Variants in LMAN1L observed in about 807,000 individuals in gnomAD.
LMAN1L encodes the protein lectin, mannose binding 1 like.
In LMAN1L, 60 loss-of-function variants were observed where a neutral mutation model predicts 58.3. That is an observed-to-expected ratio of 1.03 (90% CI 0.84 to 1.27). The LOEUF (loss-of-function observed/expected upper bound fraction) is 1.27, where lower values mean the gene tolerates loss of function less well. LMAN1L is among the 50% of genes most tolerant of loss of function. LMAN1L has a pLI of 0.00. For missense variants in LMAN1L, 629 were observed against 674.0 expected, an observed-to-expected ratio of 0.93 and a Z score of 0.74; for synonymous variants, 280 against 271.6, an observed-to-expected ratio of 1.03 and a Z score of -0.31.
intron 1 of LMAN1L, 129 bp downstream of exon 1, chr15:74,813,158 C>T: frequency 1.0e-6 from 1 of 958,310 alleles, no homozygotes; most frequent in Non-Finnish European, 1.6e-6. Flanking sequence ...TGGGACAGTG[C>T]CAGGCACCCC....
In LMAN1L at chr15:74,812,917, C is replaced by T. The variant is rs188890163; in HGVS notation, c.63C>T (p.His21=). Reference sequence around the variant, plus strand: ...TTCTCCTCCTGCTCCTGGACCCCCACAGCCCTGAGACGGGGTGTCCTCCTC... The same window carrying T: ...TTCTCCTCCTGCTCCTGGACCCCCATAGCCCTGAGACGGGGTGTCCTCCTC... The part of the protein sequence containing the change: ...FCLLLLLLDP[H]SPETGCPPLR... Residue 21 remains histidine (H), a synonymous_variant, in exon 1 of 14, where the codon CAC becomes CAT. Transcript: ENST00000309664. 6.8e-6 allele frequency: 11 copies of T among 1,614,038 alleles called. No individual in the cohort carries two copies. The highest frequency in any genetic ancestry group is 5.3e-5 in the African/African-American group (4 of 75,066).
chr15:74,823,273 GAGA>G (rs540839404), intron 11 of LMAN1L, among the ~76,000 whole-genome samples: 102 of 152,280 alleles, frequency 6.7e-4, no homozygotes, highest in Admixed American at 1.8e-3. Context: ...GCACCTAGAT[GAGA>G]AGAAGGAAAG....
intron 7 of LMAN1L, 112 bp from the exon 8 acceptor site, chr15:74,820,523 G>A (rs1158298292): frequency 2.1e-6 from 3 of 1,402,660 alleles, no homozygotes; most frequent in African/African-American, 1.4e-5. Context: ...AAACTGCAGG[G>A]CCAGCTGGCC....
In LMAN1L at chr15:74,820,662, C is replaced by T; in HGVS notation, c.802C>T (p.Gln268Ter). 1 of 1,614,034 alleles carries T rather than the reference C, an allele frequency of 6.2e-7. No individual in the cohort carries two copies. Among genetic ancestry groups the T allele is most frequent in the African/African-American group, 1.3e-5 (1 of 75,022 alleles). ...TCCCCCTCAGCCCTTCCTGGAGATG[C>T]AGCAGCTCCGCCTGGCGAGGCAGCT... ...EVPPQPFLEM[Q>*]QLRLARQLEG... Residue 268 changes from glutamine to a stop codon, truncating the protein, a stop_gained, in exon 8 of 14, where the codon CAG becomes TAG. Coordinates refer to ENST00000309664, the MANE Select transcript of LMAN1L (RefSeq NM_021819.3). LOFTEE classifies it high-confidence loss of function.
chr15:74,815,518 C>G (rs992549349), intron 1 of LMAN1L, among the ~76,000 whole-genome samples: 13 of 152,228 alleles, frequency 8.5e-5, no homozygotes, highest in African/African-American at 3.1e-4. Flanking sequence ...ACACATACTC[C>G]ATCCTGCATT....
At chr15:74,825,166 GC>G (rs1432580444) in intron 13 of LMAN1L, 4 of 220,136 alleles carry the variant, frequency 1.8e-5, no homozygotes, top group Non-Finnish European at 3.7e-5. Flanking sequence ...GTCCGTGTGG[GC>G]TGGGATGGTC....
chr15:74,814,716 C>A (rs543461515), intron 1 of LMAN1L, among the ~76,000 whole-genome samples: 31 of 152,114 alleles, frequency 2.0e-4, no homozygotes, highest in African/African-American at 7.5e-4. Flanking sequence ...ACCATGTTGG[C>A]CAGGCTGGTC....
chr15:74,823,905 C>T (rs1288923696), intron 12 of LMAN1L: 1 of 575,744 alleles, frequency 1.7e-6, no homozygotes, highest in African/African-American at 1.9e-5. Context: ...CTGAAGAGTC[C>T]CACAGACTCA....
chr15:74,816,822 C>T, intron 4 of LMAN1L, 132 bp downstream of exon 4: 3 of 853,940 alleles, frequency 3.5e-6, no homozygotes, highest in South Asian at 3.5e-5. Context: ...ACTTGCTGGA[C>T]TCTCTCACTT....
rs755736824 is a variant in LMAN1L at position 74,812,864 on chromosome 15, G to T, written c.10G>T (p.Val4Phe). MPA[V>F]SGPGPLFCLL... ...TTCAGGCGCCTTCACGATGCCGGCGGTCAGTGGTCCAGGTCCCTTATTCTG... is the reference window on the plus strand; with the variant it reads ...TTCAGGCGCCTTCACGATGCCGGCGTTCAGTGGTCCAGGTCCCTTATTCTG... Residue 4 changes from valine (V) to phenylalanine (F), a missense_variant, in exon 1 of 14, where the codon GTC becomes TTC. Coordinates refer to ENST00000309664, the MANE Select transcript of LMAN1L (RefSeq NM_021819.3). The T allele has an allele frequency of 6.3e-7, 1 of 1,598,542 alleles. No individual in the cohort carries two copies.
chr15:74,822,029 G>A (rs2063919129), intron 10 of LMAN1L, 129 bp downstream of exon 10: 2 of 670,960 alleles, frequency 3.0e-6, no homozygotes, highest in South Asian at 1.9e-5. Context: ...TTTTAGAAGG[G>A]AGACGTATTT....
chr15:74,825,236 G>A (rs1300989285), intron 13 of LMAN1L: 1 of 424,406 alleles, frequency 2.4e-6, no homozygotes, highest in Admixed American at 3.1e-5. Flanking sequence ...ATGCTCACAG[G>A]CTTCAGCACA....
rs749675426 is a variant in LMAN1L, at chr15:74,825,594, A to G, written c.1570A>G (p.Met524Val). The change falls in exon 14 of 14, where the codon ATG becomes GTG. Residue 524 changes from methionine (M) to valine (V), a missense_variant. Met to Val is a conservative substitution (Grantham distance 21). This residue lies in a region of LMAN1L where 53 missense variants were observed against 59.7 expected (regional missense o/e 0.89). Transcript: ENST00000309664. Reference protein sequence around the residue: ...ILRRQPLPASMPA With the variant: ...ILRRQPLPASVPA ...GAGGAGGCAGCCTCTCCCTGCCAGC[A>G]TGCCTGCCTGACCCACCTCAGAGCC... The G allele has an allele frequency of 6.2e-7, 1 of 1,611,266 alleles. No individual in the cohort carries two copies. The highest frequency in any genetic ancestry group is 8.5e-7 in the Non-Finnish European group (1 of 1,178,530).
chr15:74,820,032 G>C lies in LMAN1L; in HGVS notation c.719-12G>C, dbSNP rs755440752. 4.3e-6 allele frequency: 7 copies of C among 1,613,538 alleles called. No individual in the cohort carries two copies. The highest frequency in any genetic ancestry group is 5.9e-6 in the Non-Finnish European group (7 of 1,179,446). On this transcript the variant is annotated splice_polypyrimidine_tract_variant and intron_variant, in intron 6 of 13. Transcript: ENST00000309664. Reference sequence around the variant, plus strand: ...GAGGGGTCTTACTTCTCCTTCATCTGTCCCCTTCCAGATGATCATGATGTC... The same window carrying C: ...GAGGGGTCTTACTTCTCCTTCATCTCTCCCCTTCCAGATGATCATGATGTC...
At chr15:74,819,749 G>T in intron 6 of LMAN1L, 1 of 535,594 alleles carries the variant, frequency 1.9e-6, no homozygotes, top group Non-Finnish European at 3.4e-6. Flanking sequence ...TGCTCTGGGG[G>T]CCTAAGAGTG....
At chr15:74,819,655 C>T (rs2063908018) in intron 6 of LMAN1L, 2 of 466,746 alleles carry the variant, frequency 4.3e-6, no homozygotes, top group Admixed American at 7.1e-5. Flanking sequence ...GGACCTTGGT[C>T]TGGTTTCTGA....
chr15:74,824,644 C>A, intron 13 of LMAN1L, 166 bp downstream of exon 13: 1 of 760,734 alleles, frequency 1.3e-6, no homozygotes, highest in Non-Finnish European at 2.1e-6. Context: ...TCACCAAGCA[C>A]TACTGACCAC....
Position 74,825,626 on chromosome 15 carries a change from G to A in LMAN1L, c.*21G>A, listed in dbSNP as rs762806742. On this transcript the variant is annotated 3_prime_UTR_variant, in exon 14 of 14. Coordinates refer to ENST00000309664, the MANE Select transcript of LMAN1L (RefSeq NM_021819.3). ...CCTGACCCACCTCAGAGCCTGCTTT[G>A]CATCACTGGGAAGCAGGCAGTGTCT... 6.3e-7 allele frequency: 1 copy of A among 1,599,672 alleles called. No homozygotes were observed.
chr15:74,819,249 C>T lies in LMAN1L; in HGVS notation c.695C>T (p.Ser232Leu), dbSNP rs1315743515. Residue 232 changes from serine to leucine, a missense_variant, in exon 6 of 14, where the codon TCA becomes TTA. Ser to Leu is a moderately radical substitution (Grantham distance 145, BLOSUM62 -2). This residue lies in a region of LMAN1L where 573 missense variants were observed against 597.3 expected (regional missense o/e 0.96). Transcript: ENST00000309664. ...LLVPGGFFGV[S>L]AATGTLADDH... is the part of the protein sequence containing the mutation. The stretch of plus-strand genomic sequence containing the variant: ...GTCCCTGGAGGTTTCTTTGGGGTCT[C>T]AGCAGCCACCGGCACCCTGGCAGGT... 2.4e-5 allele frequency: 38 copies of T among 1,614,038 alleles called. No individual in the cohort carries two copies. Among genetic ancestry groups the T allele is most frequent in the Non-Finnish European group, 3.1e-5 (37 of 1,180,012 alleles).
Sources: gnomAD v4.1 joint callset for allele counts (sites outside exome capture counted in the v4.1 genomes callset) on GRCh38, gnomAD v4.1.1 for gene constraint, gnomAD v4.1.1 regional missense constraint, MANE v1.5 for transcripts, NCBI Gene and HGNC (gene_info 2026-07-23, HGNC 2026-07-21) for gene names.